DGKG: variants seen among roughly 807,000 people sequenced by gnomAD.
The protein encoded by DGKG is diacylglycerol kinase gamma.
A neutral mutation model predicts 105.3 loss-of-function variants in DGKG; 78 were observed. The observed-to-expected ratio is 0.74, with a 90% CI of 0.62 to 0.89. The LOEUF is 0.89. Ranked by LOEUF, DGKG falls within the 40% of genes least tolerant of loss-of-function variation. The probability of loss-of-function intolerance (pLI) is 0.00; values close to 1 mark genes in which losing one functional copy is unlikely to be tolerated. For missense variants in DGKG, 958 were observed against 1,020.1 expected, an observed-to-expected ratio of 0.94 and a Z score of 0.83; for synonymous variants, 346 against 367.1, an observed-to-expected ratio of 0.94 and a Z score of 0.66.
intron 2 of DGKG, among the ~76,000 whole-genome samples, chr3:186,315,555 A>G (rs1233323712): frequency 6.6e-6 from 1 of 152,196 alleles, no homozygotes; most frequent in Non-Finnish European, 1.5e-5. Context: ...CTATCAGGGT[A>G]GGCTAGAATG....
intron 23 of DGKG, among the ~76,000 whole-genome samples, chr3:186,163,775 C>T (rs992929744): frequency 1.3e-5 from 2 of 152,074 alleles, no homozygotes; most frequent in African/African-American, 4.8e-5. Context: ...TCAGGATGTT[C>T]TGTTCTCTGT....
intron 1 of DGKG, among the ~76,000 whole-genome samples, chr3:186,351,682 G>A (rs566331601): frequency 1.4e-4 from 22 of 152,216 alleles, no homozygotes; most frequent in Non-Finnish European, 2.8e-4. Context: ...GGGAAATGTG[G>A]TAGACAGTGG....
intron 22 of DGKG, among the ~76,000 whole-genome samples, chr3:186,166,705 G>A (rs1435943148): frequency 6.6e-6 from 1 of 152,100 alleles, no homozygotes; most frequent in East Asian, 1.9e-4. Flanking sequence ...AGGAGGAGGA[G>A]AGAAAGGTAT....
chr3:186,253,784 C>T (rs975851113), intron 17 of DGKG, among the ~76,000 whole-genome samples: 1 of 152,126 alleles, frequency 6.6e-6, no homozygotes, highest in Admixed American at 6.5e-5. Flanking sequence ...AGGGGCCAGG[C>T]AGGTATACAG....
intron 23 of DGKG, among the ~76,000 whole-genome samples, chr3:186,162,034 A>G (rs1462429090): frequency 4.6e-5 from 7 of 152,168 alleles, no homozygotes; most frequent in African/African-American, 1.7e-4. Context: ...AGATGGGATT[A>G]CAGGCATGTG....
intron 21 of DGKG, among the ~76,000 whole-genome samples, chr3:186,204,066 G>A (rs770522720): frequency 3.8e-4 from 58 of 152,328 alleles, no homozygotes; most frequent in Non-Finnish European, 6.6e-4. Context: ...TTTGGGTGAA[G>A]TTAGTCAAGG....
chr3:186,197,385 G>A (rs961678023), intron 21 of DGKG, among the ~76,000 whole-genome samples: 4 of 152,094 alleles, frequency 2.6e-5, no homozygotes, highest in Admixed American at 6.5e-5. Context: ...AAAGGCAGAG[G>A]GGTGGCTGAC....
At chr3:186,165,773 T>C (rs1400362) in intron 22 of DGKG, among the ~76,000 whole-genome samples, 113,508 of 152,192 alleles carry the variant, frequency 0.75, 42,627 homozygotes, top group East Asian at 0.93. Context: ...TGGATGGTGC[T>C]TCCCCAGTTT....
At position 186,226,569 on chromosome 3, in the gene DGKG, TGAGA is replaced by T. The variant is rs942960585; in HGVS notation, c.1827-14688_1827-14685del. ...TTGAGAGCTCCAATAAAAGTTTCAC[TGAGA>T]TCAACAGTTTGCAGTTTTCATTTAC... On this transcript the variant is annotated intron_variant, in intron 20 of 24. Coordinates refer to ENST00000265022, the MANE Select transcript of DGKG (RefSeq NM_001346.3). This position sits in a 1 kb window ranked among gnomAD's most constrained non-coding sequence, Gnocchi z 4.2. Among the ~76,000 whole-genome samples, 3 of 152,222 alleles carry T rather than the reference TGAGA, an allele frequency of 2.0e-5. No homozygotes were observed. The highest frequency in any genetic ancestry group is 6.5e-5 in the Admixed American group (1 of 15,288).
intron 5 of DGKG, among the ~76,000 whole-genome samples, chr3:186,295,659 A>AAG (rs1723521119): frequency 6.7e-6 from 1 of 148,626 alleles, no homozygotes; most frequent in Non-Finnish European, 1.5e-5. Flanking sequence ...AAAAAAAAAA[A>AAG]AGGTCTGACT....
At chr3:186,355,258 C>CCACTATCGT (rs1221871072) in intron 1 of DGKG, among the ~76,000 whole-genome samples, 33 of 69,236 alleles carry the variant, frequency 4.8e-4, no homozygotes, top group Admixed American at 1.6e-3. Flanking sequence ...ACCACCAACA[C>CCACTATCGT]CAACACCACT....
In DGKG at chr3:186,150,150, C is replaced by T. The variant is rs1401138172; in HGVS notation, c.2316G>A (p.Met772Ile). 6.2e-7 allele frequency: 1 copy of T among 1,613,146 alleles called. No homozygotes were observed. Among genetic ancestry groups the T allele is most frequent in the Non-Finnish European group, 8.5e-7 (1 of 1,179,660 alleles). ...AGAAGCTGCTCTTCTGGGGAGGCCC[C>T]ATCATCATGGGCGCTTGGTTCTTGT... ...ITHKNQAPMM[M>I]GPPQKSSFFS... Residue 772 changes from methionine to isoleucine, a missense_variant, in exon 25 of 25, where the codon ATG (methionine) becomes ATA (isoleucine). Met to Ile is a conservative substitution (Grantham distance 10). Transcript: ENST00000265022.
chr3:186,158,754 T>C (rs564895876), intron 24 of DGKG: 1 of 960,396 alleles, frequency 1.0e-6, no homozygotes, highest in South Asian at 4.8e-5. Flanking sequence ...ATCAACCTTT[T>C]CTCAGAATAT....
chr3:186,301,236 C>A (rs1317412408), intron 3 of DGKG, among the ~76,000 whole-genome samples: 1 of 152,154 alleles, frequency 6.6e-6, no homozygotes, highest in South Asian at 2.1e-4. Context: ...GCTTCCTTAA[C>A]CCCATGTCCA....
At chr3:186,257,769 G>T in intron 17 of DGKG, 85 bp downstream of exon 17, 1 of 1,051,010 alleles carries the variant, frequency 9.5e-7, no homozygotes, top group Non-Finnish European at 1.5e-6. Context: ...ATGGCTCCAT[G>T]TCTCTTTCTT....
At chr3:186,287,001 T>A (rs1295879738) in intron 6 of DGKG, among the ~76,000 whole-genome samples, 1 of 147,938 alleles carries the variant, frequency 6.8e-6, no homozygotes, top group East Asian at 2.0e-4. Context: ...GCCACTGCAC[T>A]CTAGCTTGGG....
rs918782502 is a variant in DGKG, at chr3:186,226,208, C to T, written c.1827-14323G>A. Reference sequence around the variant, plus strand: ...TATTGTGAATTTTAAGATTATACCACCAAGGCTTGATTATTAAGGGACAAA... The same window carrying T: ...TATTGTGAATTTTAAGATTATACCATCAAGGCTTGATTATTAAGGGACAAA... On this transcript the variant is annotated intron_variant, in intron 20 of 24. Coordinates refer to ENST00000265022, the MANE Select transcript of DGKG (RefSeq NM_001346.3). The surrounding 1 kb of genome is among the most constrained non-coding windows in gnomAD (Gnocchi z 4.2). 2.6e-5 allele frequency among the ~76,000 whole-genome samples: 4 copies of T among 152,174 alleles called. No homozygotes were observed. Among genetic ancestry groups the T allele is most frequent in the Non-Finnish European group, 4.4e-5 (3 of 68,040 alleles).
chr3:186,154,791 A>C (rs1232480749), intron 24 of DGKG, among the ~76,000 whole-genome samples: 1 of 152,198 alleles, frequency 6.6e-6, no homozygotes, highest in Non-Finnish European at 1.5e-5. Context: ...AGTGTGGCTC[A>C]TAGGCCAGCA....
At chr3:186,319,309 C>T (rs1488553126) in intron 2 of DGKG, among the ~76,000 whole-genome samples, 1 of 152,082 alleles carries the variant, frequency 6.6e-6, no homozygotes, top group South Asian at 2.1e-4. Context: ...CCAACCCTCC[C>T]ATTGTATAGA....
Sources: allele counts gnomAD v4.1 joint callset (sites outside exome capture counted in the v4.1 genomes callset), GRCh38; gene constraint gnomAD v4.1.1; non-coding constraint Gnocchi (gnomAD v3.1); transcripts MANE v1.5; gene names NCBI Gene and HGNC (gene_info 2026-07-23, HGNC 2026-07-21).